Variants in RAPH1 observed in about 807,000 individuals in gnomAD.
RAPH1 encodes the protein ras-associated and pleckstrin homology domains-containing protein 1.
RAPH1 carries 18 observed loss-of-function variants against 88.1 expected under a neutral mutation model. The ratio of observed to expected loss-of-function variants is 0.20; its 90% CI spans 0.14 to 0.30. The LOEUF (loss-of-function observed/expected upper bound fraction) is 0.30. RAPH1 is among the 10% of genes least tolerant of loss of function. RAPH1 has a pLI of 1.00. For missense variants in RAPH1, 1,448 were observed against 1,543.2 expected (o/e 0.94, Z 1.03); for synonymous variants, 587 against 559.0 (o/e 1.05, Z -0.71).
intron 1 of RAPH1, among the ~76,000 whole-genome samples, chr2:203,513,532 C>CAAA (rs34083519): frequency 7.2e-5 from 3 of 41,936 alleles, no homozygotes; most frequent in Non-Finnish European, 9.5e-5. Flanking sequence ...GACTCTATTT[C>CAAA]AAAAAAAAAA....
At chr2:203,483,732 T>A (rs1687831906) in intron 4 of RAPH1, among the ~76,000 whole-genome samples, 1 of 152,168 alleles carries the variant, frequency 6.6e-6, no homozygotes, top group African/African-American at 2.4e-5. Flanking sequence ...TCCAATTGAC[T>A]GAGGGCCCCA....
intron 1 of RAPH1, among the ~76,000 whole-genome samples, chr2:203,510,965 T>C (rs1286122282): frequency 6.6e-6 from 1 of 152,070 alleles, no homozygotes; most frequent in African/African-American, 2.4e-5. Flanking sequence ...AAAGTTTAAG[T>C]GTGTGCTAGT....
intron 1 of RAPH1, among the ~76,000 whole-genome samples, chr2:203,511,964 T>A (rs1231176876): frequency 2.6e-5 from 4 of 151,624 alleles, no homozygotes; most frequent in Admixed American, 2.6e-4. Flanking sequence ...ACAAAAAAAA[T>A]TAGCTGGGTG....
chr2:203,490,196 C>A, intron 3 of RAPH1, 107 bp from the exon 4 acceptor site: 2 of 1,114,838 alleles, frequency 1.8e-6, no homozygotes, highest in Non-Finnish European at 1.2e-6. Flanking sequence ...GGGCCTAAAG[C>A]AAATAAAATT....
intron 6 of RAPH1, among the ~76,000 whole-genome samples, chr2:203,460,801 A>C (rs1035819504): frequency 2.0e-5 from 3 of 152,198 alleles, no homozygotes; most frequent in African/African-American, 4.8e-5. Context: ...CAAATTATGA[A>C]AGGTAATTTT....
intron 4 of RAPH1, among the ~76,000 whole-genome samples, chr2:203,486,132 T>G (rs1045478150): frequency 5.3e-5 from 8 of 151,894 alleles, no homozygotes; most frequent in African/African-American, 1.9e-4. Flanking sequence ...AAATAGAATT[T>G]TAAGAAGATG....
chr2:203,506,873 T>TATAG (rs1689098739), intron 1 of RAPH1, among the ~76,000 whole-genome samples: 1 of 105,412 alleles, frequency 9.5e-6, no homozygotes, highest in Non-Finnish European at 1.8e-5. Context: ...TATATATATA[T>TATAG]ATATATAGAT....
chr2:203,450,235 G>C (rs62182782), intron 10 of RAPH1, among the ~76,000 whole-genome samples: 1 of 151,716 alleles, frequency 6.6e-6, no homozygotes, highest in Admixed American at 6.6e-5. Context: ...TCTACAATGA[G>C]GGAAAAAAAA....
At chr2:203,477,153 C>T (rs1687495912) in intron 4 of RAPH1, 4 of 1,613,580 alleles carry the variant, frequency 2.5e-6, no homozygotes, top group Non-Finnish European at 2.5e-6. Context: ...AGAGAAATAG[C>T]ATGCTGTGAA....
chr2:203,465,937 CAACT>C (rs2098528101), intron 4 of RAPH1, among the ~76,000 whole-genome samples: 1 of 151,950 alleles, frequency 6.6e-6, no homozygotes, highest in Admixed American at 6.6e-5. Context: ...CCCGTGTAAC[CAACT>C]AACATACATT....
chr2:203,506,806 CTATATCTATATATCTATATA>C (rs1387956708), intron 1 of RAPH1, among the ~76,000 whole-genome samples: 1 of 90,542 alleles, frequency 1.1e-5, no homozygotes, highest in Admixed American at 1.2e-4. Context: ...ATATATATAT[CTATATCTATATATCTATATA>C]TATATCTATA....
chr2:203,529,005 A>ATATATATTTTTTTTTTTTTTTT (rs1553633903), intron 1 of RAPH1, among the ~76,000 whole-genome samples: 1 of 41,150 alleles, frequency 2.4e-5, no homozygotes, highest in Non-Finnish European at 3.9e-5. Flanking sequence ...ATATATATAT[A>ATATATATTTTTTTTTTTTTTTT]TTTTTTTTTT....
intron 10 of RAPH1, among the ~76,000 whole-genome samples, chr2:203,450,206 T>C (rs1156366330): frequency 2.0e-5 from 3 of 152,098 alleles, no homozygotes; most frequent in Non-Finnish European, 2.9e-5. Context: ...TCTGCATTGT[T>C]AAAGATCAAT....
chr2:203,466,529 A>G (rs1329710822), intron 4 of RAPH1, among the ~76,000 whole-genome samples: 1 of 152,248 alleles, frequency 6.6e-6, no homozygotes, highest in Non-Finnish European at 1.5e-5. Flanking sequence ...ATGCAAATCT[A>G]CATTCAATGT....
chr2:203,494,831 A>G (rs931232861), intron 2 of RAPH1, among the ~76,000 whole-genome samples: 2 of 151,876 alleles, frequency 1.3e-5, no homozygotes, highest in African/African-American at 2.4e-5. Flanking sequence ...AAAGAAAAAA[A>G]AAAAGAAAAA....
rs2098504081 is a variant in RAPH1, at chr2:203,441,464, A to C, written c.1777-51T>G. ...GGAGAGAGAAAAACACAACAAACAAAACAGTTACAGAGGTAAGCTTTGATT... is the reference window on the plus strand; with the variant it reads ...GGAGAGAGAAAAACACAACAAACAACACAGTTACAGAGGTAAGCTTTGATT... On this transcript the variant is annotated intron_variant, in intron 13 of 13. Transcript: ENST00000319170. 2.0e-6 allele frequency: 3 copies of C among 1,486,646 alleles called. No individual in the cohort carries two copies. The African/African-American group carries it at 4.2e-5, about 21-fold the overall frequency. 92.1% of individuals were successfully genotyped at this position (1,486,646 alleles called of 1,614,324 possible).
At chr2:203,471,843 C>T (rs1404243665) in intron 4 of RAPH1, among the ~76,000 whole-genome samples, 1 of 151,108 alleles carries the variant, frequency 6.6e-6, no homozygotes, top group Non-Finnish European at 1.5e-5. Context: ...ACCTAAGGTC[C>T]AATTTTTTTA....
chr2:203,508,263 C>T (rs2105913446), intron 1 of RAPH1, among the ~76,000 whole-genome samples: 1 of 145,516 alleles, frequency 6.9e-6, no homozygotes, highest in African/African-American at 2.5e-5. Context: ...AAGAAATATA[C>T]ACTGGGGTTA....
At chr2:203,517,433 CCTCT>C (rs1351835095) in intron 1 of RAPH1, among the ~76,000 whole-genome samples, 1 of 147,442 alleles carries the variant, frequency 6.8e-6, no homozygotes, top group African/African-American at 2.5e-5. Context: ...GACTTGAATA[CCTCT>C]CTATCAGAAA....
Sources: gnomAD v4.1 joint callset for allele counts (sites outside exome capture counted in the v4.1 genomes callset) on GRCh38, gnomAD v4.1.1 for gene constraint, MANE v1.5 for transcripts, NCBI Gene and HGNC (gene_info 2026-07-23, HGNC 2026-07-21) for gene names.